Variants in POC1B observed in about 807,000 individuals in gnomAD.
The protein encoded by POC1B is POC1 centriolar protein homolog B.
A neutral mutation model predicts 60.6 loss-of-function variants in POC1B; 44 were observed. The ratio of observed to expected loss-of-function variants is 0.73; its 90% CI spans 0.57 to 0.93. POC1B has a LOEUF of 0.93. POC1B is among the 40% of genes least tolerant of loss of function. POC1B has a pLI of 0.00. For missense variants in POC1B, 555 were observed against 572.3 expected, an observed-to-expected ratio of 0.97 and a Z score of 0.31; for synonymous variants, 180 against 198.9, an observed-to-expected ratio of 0.90 and a Z score of 0.80.
chr12:89,501,213 A>G, intron 2 of POC1B: 1 of 1,406,196 alleles, frequency 7.1e-7, no homozygotes, highest in South Asian at 1.2e-5. Context: ...CTCACCTAGT[A>G]GAGACATCTC....
chr12:89,443,149 T>C (rs1284497891), intron 10 of POC1B, among the ~76,000 whole-genome samples: 1 of 152,124 alleles, frequency 6.6e-6, no homozygotes, highest in East Asian at 1.9e-4. Flanking sequence ...CACACAATAA[T>C]AATGGGAGAC....
At chr12:89,467,422 A>G (rs1882724363) in intron 8 of POC1B, among the ~76,000 whole-genome samples, 195 bp downstream of exon 8, 1 of 152,204 alleles carries the variant, frequency 6.6e-6, no homozygotes, top group Admixed American at 6.5e-5. Context: ...AAAGAAAATA[A>G]CTATTTGAGT....
At chr12:89,413,481 G>A in the POC1B span, among the ~76,000 whole-genome samples, 2 of 152,272 alleles carry the variant, frequency 1.3e-5, no homozygotes, top group East Asian at 3.9e-4. Flanking sequence ...ATAGATGTGA[G>A]CTACTATGCC....
intron 2 of POC1B, among the ~76,000 whole-genome samples, chr12:89,516,097 T>C (rs1870429745): frequency 6.6e-6 from 1 of 152,122 alleles, no homozygotes; most frequent in Non-Finnish European, 1.5e-5. Context: ...TGGTGCATGA[T>C]TCTCTATTAG....
At chr12:89,452,566 A>G (rs1199790373) in intron 10 of POC1B, among the ~76,000 whole-genome samples, 2 of 152,144 alleles carry the variant, frequency 1.3e-5, no homozygotes, top group African/African-American at 2.4e-5. Context: ...ATTCATTAAT[A>G]TGTTTTCTTT....
At chr12:89,467,569 A>T in intron 8 of POC1B, 48 bp downstream of exon 8, 1 of 1,480,982 alleles carries the variant, frequency 6.8e-7, no homozygotes, top group Non-Finnish European at 9.4e-7. Context: ...GAGGTCAAGG[A>T]TTCCTTTACC....
At chr12:89,520,375 G>A (rs1870747264) in intron 2 of POC1B, 2 of 151,328 alleles carry the variant, frequency 1.3e-5, no homozygotes, top group Non-Finnish European at 1.5e-5. Flanking sequence ...TGGCTAACAA[G>A]AAAACCAAAA....
In POC1B at chr12:89,486,866, A is replaced by G. The variant is rs144686859; in HGVS notation, c.452+5070T>C. ...AGGATAAAACAAAAAAGGAAAAGGC[A>G]ATTTTTAAAAACTCTCTCTTTCTCT... On this transcript the variant is annotated intron_variant, in intron 4 of 11. Transcript: ENST00000313546. Among the ~76,000 whole-genome samples the G allele has an allele frequency of 3.1e-3, 469 of 152,108 alleles. 10 individuals carry two copies. The highest frequency in any genetic ancestry group is 0.026 in the Admixed American group (393 of 15,276).
chr12:89,487,968 T>C (rs964896696), intron 4 of POC1B, among the ~76,000 whole-genome samples: 4 of 152,172 alleles, frequency 2.6e-5, no homozygotes, highest in Admixed American at 6.5e-5. Context: ...CTGAAGTAAC[T>C]GTCGGCTCCC....
intron 2 of POC1B, among the ~76,000 whole-genome samples, chr12:89,502,992 A>G (rs1475053959): frequency 6.6e-6 from 1 of 152,182 alleles, no homozygotes; most frequent in African/African-American, 2.4e-5. Context: ...TATGTGAAAA[A>G]GTTTGTATAG....
At chr12:89,455,766 T>C (rs1334390515) in intron 10 of POC1B, among the ~76,000 whole-genome samples, 1 of 152,230 alleles carries the variant, frequency 6.6e-6, no homozygotes, top group Non-Finnish European at 1.5e-5. Context: ...CTGCATTATG[T>C]TCATATTATG....
chr12:89,487,642 A>G (rs1868710912), intron 4 of POC1B, among the ~76,000 whole-genome samples: 1 of 152,162 alleles, frequency 6.6e-6, no homozygotes, highest in Admixed American at 6.5e-5. Context: ...TTTGTCCCAT[A>G]TGCTCCCTGT....
chr12:89,497,038 C>T, intron 3 of POC1B, 133 bp downstream of exon 3: 1 of 904,376 alleles, frequency 1.1e-6, no homozygotes, highest in Non-Finnish European at 1.6e-6. Context: ...TTTGACTTTA[C>T]CACAAGGGCA....
At chr12:89,437,939 C>G (rs2120708624) in intron 10 of POC1B, among the ~76,000 whole-genome samples, 1 of 151,774 alleles carries the variant, frequency 6.6e-6, no homozygotes, top group East Asian at 1.9e-4. Context: ...TCCAGCTACT[C>G]CAGAGGCTGA....
chr12:89,440,806 G>A (rs772174908), intron 10 of POC1B, among the ~76,000 whole-genome samples: 14 of 152,220 alleles, frequency 9.2e-5, no homozygotes, highest in African/African-American at 1.4e-4. Context: ...AGCATGAGCC[G>A]AAGCAGGGCG....
At chr12:89,409,553 G>A in the POC1B span, among the ~76,000 whole-genome samples, 4 of 152,130 alleles carry the variant, frequency 2.6e-5, no homozygotes, top group South Asian at 2.1e-4. Context: ...TAGATAGACC[G>A]CTAGCCAGAC....
chr12:89,523,885 A>G (rs1454229533), intron 2 of POC1B: 9 of 1,576,348 alleles, frequency 5.7e-6, no homozygotes, highest in South Asian at 1.2e-5. Flanking sequence ...GAAAGTGAGG[A>G]CGTCCCCAGT....
At chr12:89,512,303 C>T (rs1055154881) in intron 2 of POC1B, among the ~76,000 whole-genome samples, 8 of 152,190 alleles carry the variant, frequency 5.3e-5, no homozygotes, top group Non-Finnish European at 1.0e-4. Context: ...TAAGCTGGGT[C>T]TAAAGGAGCT....
At chr12:89,478,643 T>C (rs1001568343) in intron 4 of POC1B, among the ~76,000 whole-genome samples, 2 of 152,206 alleles carry the variant, frequency 1.3e-5, no homozygotes, top group Non-Finnish European at 1.5e-5. Context: ...GAAAAATCTT[T>C]GCAATTCGTT....
Sources: allele counts gnomAD v4.1 joint callset (sites outside exome capture counted in the v4.1 genomes callset), GRCh38; gene constraint gnomAD v4.1.1; transcripts MANE v1.5; gene names NCBI Gene and HGNC (gene_info 2026-07-23, HGNC 2026-07-21).